SCARB2: variants seen among roughly 807,000 people sequenced by gnomAD.
SCARB2 encodes lysosome membrane protein 2.
In SCARB2, 29 loss-of-function variants were observed where a neutral mutation model predicts 58.6. That is an observed-to-expected ratio of 0.49 (90% confidence interval 0.37 to 0.67). The LOEUF is 0.67. Among genes scored for constraint, SCARB2 ranks in the 30% least tolerant of loss-of-function variants. The pLI is 0.00. For synonymous variants in SCARB2, 195 were observed against 210.1 expected (o/e 0.93, Z 0.62); for missense variants, 488 against 578.5 (o/e 0.84, Z 1.60).
intron 1 of SCARB2, among the ~76,000 whole-genome samples, chr4:76,208,143 T>C (rs1199056378): frequency 1.3e-5 from 2 of 152,152 alleles, no homozygotes; most frequent in Non-Finnish European, 2.9e-5. Flanking sequence ...TGGGATGGGG[T>C]CTGGTATTTT....
chr4:76,197,908 T>G (rs1235732274), intron 1 of SCARB2, among the ~76,000 whole-genome samples: 1 of 152,052 alleles, frequency 6.6e-6, no homozygotes, highest in Non-Finnish European at 1.5e-5. Context: ...TTTTTTTAAG[T>G]GAAAATCTAA....
chr4:76,172,944 C>T (rs1450202368), intron 7 of SCARB2: 1 of 152,202 alleles, frequency 6.6e-6, no homozygotes, highest in Non-Finnish European at 1.5e-5. Flanking sequence ...GAGGGAATCA[C>T]AGGGCAAATA....
intron 11 of SCARB2, 160 bp from the exon 12 acceptor site, chr4:76,161,911 G>GT: frequency 1.5e-6 from 1 of 685,586 alleles, no homozygotes. Flanking sequence ...GCTTGTTCTT[G>GT]AAGATTCAGC....
intron 1 of SCARB2, among the ~76,000 whole-genome samples, chr4:76,204,022 C>T (rs1019797943): frequency 3.5e-4 from 53 of 152,342 alleles, no homozygotes; most frequent in African/African-American, 1.2e-3. Context: ...TTGCCATCTG[C>T]ACAGTCTAAA....
intron 10 of SCARB2, chr4:76,163,639 A>T: frequency 1.9e-6 from 1 of 534,366 alleles, no homozygotes; most frequent in Non-Finnish European, 3.4e-6. Context: ...AGAAATATTG[A>T]GACAGTATCA....
rs1350974304 is a variant in SCARB2, at chr4:76,179,878, C to T, written c.424-173G>A. Reference sequence around the variant, plus strand: ...TCTGGCTGCATATGGAAGACAAAGCCTCTTCTCTGTCCTTTCCCAGTACTG... The same window carrying T: ...TCTGGCTGCATATGGAAGACAAAGCTTCTTCTCTGTCCTTTCCCAGTACTG... On this transcript the variant is annotated intron_variant, in intron 3 of 11. Coordinates refer to ENST00000264896, the MANE Select transcript of SCARB2 (RefSeq NM_005506.4). 9 of 683,228 alleles carry T rather than the reference C, an allele frequency of 1.3e-5. No individual in the cohort carries two copies. The Admixed American group carries it at 1.9e-4, about 14-fold the overall frequency. The allele number at this position is 683,228 out of a possible 1,614,324, so 42.3% of individuals were successfully genotyped here.
At chr4:76,169,449 T>C (rs998260446) in intron 8 of SCARB2, among the ~76,000 whole-genome samples, 6 of 152,178 alleles carry the variant, frequency 3.9e-5, no homozygotes, top group Non-Finnish European at 5.9e-5. Context: ...GAGGTTAATA[T>C]ACATATTCAT....
At chr4:76,195,595 A>C in intron 2 of SCARB2, 112 bp downstream of exon 2, 1 of 889,880 alleles carries the variant, frequency 1.1e-6, no homozygotes, top group Non-Finnish European at 1.9e-6. Flanking sequence ...ATGAAATCAG[A>C]AAGTGTGCTC....
intron 1 of SCARB2, chr4:76,234,235 A>C (rs1733544357): frequency 6.6e-6 from 1 of 152,394 alleles, no homozygotes. Context: ...GATTTCCCCC[A>C]CTCTCAGAAG....
intron 2 of SCARB2, among the ~76,000 whole-genome samples, chr4:76,184,116 C>T (rs1732439988): frequency 6.6e-6 from 1 of 152,136 alleles, no homozygotes; most frequent in South Asian, 2.1e-4. Context: ...TTAATCCTTA[C>T]AAGTATGTAG....
intron 8 of SCARB2, among the ~76,000 whole-genome samples, chr4:76,168,917 T>A (rs948207948): frequency 6.6e-6 from 1 of 152,206 alleles, no homozygotes; most frequent in East Asian, 1.9e-4. Context: ...GGCATCCTAG[T>A]ATAGGGCCCG....
chr4:76,179,340 C>G (rs948897779), intron 4 of SCARB2, 177 bp downstream of exon 4: 23 of 606,824 alleles, frequency 3.8e-5, no homozygotes, highest in Admixed American at 1.1e-4. Context: ...AGGCATTAGC[C>G]ACCGCACCCG....
chr4:76,207,367 G>T (rs1392200178), intron 1 of SCARB2, among the ~76,000 whole-genome samples: 10 of 152,300 alleles, frequency 6.6e-5, no homozygotes, highest in African/African-American at 2.4e-4. Context: ...TAATTTTTAA[G>T]AATATGAGGG....
chr4:76,169,260 A>AT (rs1240629360), intron 8 of SCARB2, among the ~76,000 whole-genome samples: 1 of 151,716 alleles, frequency 6.6e-6, no homozygotes, highest in Non-Finnish European at 1.5e-5. Flanking sequence ...AAATGAAGAC[A>AT]TGGTTAGCAT....
intron 2 of SCARB2, among the ~76,000 whole-genome samples, chr4:76,183,856 A>G (rs1406178986): frequency 6.6e-6 from 1 of 152,178 alleles, no homozygotes; most frequent in Non-Finnish European, 1.5e-5. Context: ...GACACTTATC[A>G]CTTAAGCGAT....
chr4:76,161,697 C>T lies in SCARB2; in HGVS notation c.*16G>A. ...AGGACAGCTCACACAGTTTCTTCAC[C>T]AAGCAAAGGCAATGTTTAGGTTCGA... On this transcript the variant is annotated 3_prime_UTR_variant, in exon 12 of 12. Transcript: ENST00000264896. The T allele has an allele frequency of 6.2e-7, 1 of 1,614,046 alleles. No individual in the cohort carries two copies. Among genetic ancestry groups the T allele is most frequent in the Non-Finnish European group, 8.5e-7 (1 of 1,179,930 alleles).
At chr4:76,219,786 G>A (rs1458940688) in intron 1 of SCARB2, among the ~76,000 whole-genome samples, 6 of 151,884 alleles carry the variant, frequency 4.0e-5, no homozygotes, top group Admixed American at 6.6e-5. Context: ...AATAAGCCCC[G>A]CCCCTCACCA....
intron 1 of SCARB2, among the ~76,000 whole-genome samples, chr4:76,201,802 T>C (rs1732833716): frequency 6.6e-6 from 1 of 152,252 alleles, no homozygotes. Context: ...GATCTGTCTT[T>C]AGCAATTTTG....
Position 76,161,552 on chromosome 4 carries a change from G to C in SCARB2, c.*161C>G, listed in dbSNP as rs1338855607. 1 of 726,090 alleles carries C rather than the reference G, an allele frequency of 1.4e-6. No homozygotes were observed. Among genetic ancestry groups the C allele is most frequent in the East Asian group, 2.6e-5 (1 of 38,440 alleles). The allele number at this position is 726,090 out of a possible 1,614,324, so 45.0% of individuals were successfully genotyped here. A position where few individuals can be genotyped will look rare whatever the true frequency, so the allele number is the denominator to read the frequency against. ...GCTTAATGGCCAGCCATGTCAGCCT[G>C]CTCTTTAACCTCTGGCCAGAATGTT... On this transcript the variant is annotated 3_prime_UTR_variant, in exon 12 of 12. Coordinates refer to ENST00000264896, the MANE Select transcript of SCARB2 (RefSeq NM_005506.4).
Sources: allele counts gnomAD v4.1 joint callset (sites outside exome capture counted in the v4.1 genomes callset), GRCh38; gene constraint gnomAD v4.1.1; transcripts MANE v1.5; gene names NCBI Gene and HGNC (gene_info 2026-07-23, HGNC 2026-07-21).